SNX13: variants seen among roughly 807,000 people sequenced by gnomAD.
The protein encoded by SNX13 is sorting nexin-13.
A neutral mutation model predicts 133.6 loss-of-function variants in SNX13; 45 were observed. The ratio of observed to expected loss-of-function variants is 0.34; its 90% CI spans 0.27 to 0.43. SNX13 has a LOEUF of 0.43. Among genes scored for constraint, SNX13 ranks in the 20% least tolerant of loss-of-function variants. The pLI, the probability that SNX13 is intolerant of heterozygous loss-of-function variation, is 1.00. For missense variants in SNX13, 1,032 were observed against 1,145.1 expected, an observed-to-expected ratio of 0.90 and a Z score of 1.43; for synonymous variants, 414 against 373.9, an observed-to-expected ratio of 1.11 and a Z score of -1.24.
At chr7:17,844,772 A>G (rs1436196635) in intron 12 of SNX13, among the ~76,000 whole-genome samples, 1 of 152,042 alleles carries the variant, frequency 6.6e-6, no homozygotes, top group Non-Finnish European at 1.5e-5. Flanking sequence ...AGTCTAATAC[A>G]GCACAACAGA....
chr7:17,835,615 A>C (rs1033247501), intron 13 of SNX13, among the ~76,000 whole-genome samples: 3 of 152,026 alleles, frequency 2.0e-5, no homozygotes, highest in Non-Finnish European at 4.4e-5. Flanking sequence ...AGTTCTGAAA[A>C]GTCTGGAGAG....
intron 18 of SNX13, among the ~76,000 whole-genome samples, chr7:17,821,247 T>C (rs1238482916): frequency 6.6e-6 from 1 of 152,146 alleles, no homozygotes; most frequent in East Asian, 1.9e-4. Flanking sequence ...AATTTTAAAA[T>C]CAGAAACATG....
At chr7:17,831,521 G>A in intron 15 of SNX13, 1 of 984,202 alleles carries the variant, frequency 1.0e-6, no homozygotes, top group Non-Finnish European at 1.2e-6. Flanking sequence ...TCTACCTACT[G>A]TTAAGTTTGG....
intron 14 of SNX13, among the ~76,000 whole-genome samples, chr7:17,834,480 C>T (rs1788907358): frequency 6.6e-6 from 1 of 151,784 alleles, no homozygotes; most frequent in East Asian, 1.9e-4. Flanking sequence ...ATTTGAAAGA[C>T]ATGTTATTTA....
intron 5 of SNX13, among the ~76,000 whole-genome samples, chr7:17,883,589 T>G (rs1795614738): frequency 6.6e-6 from 1 of 152,216 alleles, no homozygotes. Context: ...TACTTTTAAT[T>G]CTGGGATACA....
At chr7:17,922,416 C>T (rs1442883217) in intron 1 of SNX13, among the ~76,000 whole-genome samples, 1 of 152,190 alleles carries the variant, frequency 6.6e-6, no homozygotes, top group Non-Finnish European at 1.5e-5. Context: ...AGGGCATAAA[C>T]TGTGTATGTT....
At chr7:17,878,586 T>A (rs1794997602) in intron 5 of SNX13, among the ~76,000 whole-genome samples, 1 of 152,180 alleles carries the variant, frequency 6.6e-6, no homozygotes, top group African/African-American at 2.4e-5. Context: ...ATCGTATCCC[T>A]CGCCACCATT....
At chr7:17,805,306 T>C (rs939581406) in intron 20 of SNX13, among the ~76,000 whole-genome samples, 3 of 151,238 alleles carry the variant, frequency 2.0e-5, no homozygotes, top group African/African-American at 7.3e-5. Flanking sequence ...TATACTGTAG[T>C]TTTTGGTCAA....
chr7:17,793,873 G>A lies in SNX13; in HGVS notation c.*172C>T. ...GACACAGAAATCTCTCTTGGTAGTG[G>A]TGGATTATAGATGAGAATGAGAAGA... On this transcript the variant is annotated 3_prime_UTR_variant, in exon 26 of 26. Transcript: ENST00000428135. 1 of 656,856 alleles carries A rather than the reference G, an allele frequency of 1.5e-6. No homozygotes were observed. Among genetic ancestry groups the A allele is most frequent in the Non-Finnish European group, 2.4e-6 (1 of 419,456 alleles). The allele number at this position is 656,856 out of a possible 1,614,324, so 40.7% of individuals were successfully genotyped here.
intron 17 of SNX13, among the ~76,000 whole-genome samples, chr7:17,825,397 G>A (rs1236040240): frequency 6.6e-6 from 1 of 152,022 alleles, no homozygotes; most frequent in African/African-American, 2.4e-5. Context: ...TATGTAATAT[G>A]ACAAACACAC....
intron 1 of SNX13, among the ~76,000 whole-genome samples, chr7:17,916,917 A>G (rs989113738): frequency 3.9e-5 from 6 of 152,208 alleles, no homozygotes; most frequent in Non-Finnish European, 5.9e-5. Flanking sequence ...ATCCTCAACA[A>G]AATACTAGCA....
chr7:17,820,486 T>C (rs552543895), intron 18 of SNX13, among the ~76,000 whole-genome samples: 67 of 152,198 alleles, frequency 4.4e-4, no homozygotes, highest in African/African-American at 1.6e-3. Flanking sequence ...AGAATGCGCA[T>C]GTCCAAAGTT....
At chr7:17,816,763 T>A (rs752829922) in intron 18 of SNX13, among the ~76,000 whole-genome samples, 16 of 152,192 alleles carry the variant, frequency 1.1e-4, no homozygotes, top group Admixed American at 2.6e-4. Context: ...TGTCCAAATA[T>A]ACTCAAAACA....
intron 13 of SNX13, among the ~76,000 whole-genome samples, chr7:17,838,520 G>T (rs1438004107): frequency 1.3e-5 from 2 of 151,482 alleles, no homozygotes; most frequent in African/African-American, 2.4e-5. Context: ...TGTTTGCCTT[G>T]GATTTATTTT....
chr7:17,807,107 C>A (rs1447428184), intron 20 of SNX13, among the ~76,000 whole-genome samples: 3 of 152,094 alleles, frequency 2.0e-5, no homozygotes, highest in Non-Finnish European at 2.9e-5. Context: ...CGACACAGAA[C>A]CGTTCACTCC....
chr7:17,914,569 C>G (rs1484779951), intron 1 of SNX13, among the ~76,000 whole-genome samples: 1 of 152,140 alleles, frequency 6.6e-6, no homozygotes, highest in Non-Finnish European at 1.5e-5. Context: ...ACAGGGGGCC[C>G]ATTTTAAGCA....
At chr7:17,819,316 A>C (rs1356526090) in intron 18 of SNX13, among the ~76,000 whole-genome samples, 1 of 152,102 alleles carries the variant, frequency 6.6e-6, no homozygotes, top group African/African-American at 2.4e-5. Flanking sequence ...ATCTCAGCTC[A>C]CTGCAATTTC....
At chr7:17,867,386 C>T (rs549550956) in intron 9 of SNX13, among the ~76,000 whole-genome samples, 2 of 152,062 alleles carry the variant, frequency 1.3e-5, no homozygotes, top group Admixed American at 1.3e-4. Context: ...GCAGGCAGAT[C>T]GCTTGAGCTC....
rs1796852118 is a variant in SNX13 at position 17,893,430 on chromosome 7, A to C, written c.130T>G (p.Leu44Val). ...TTTCCAAACAGGAGAGTAACCACTA[A>C]ACCCCTAGAAAGAAAAATTTAATCA... ...FYILCFVGGG[L>V]VVTLLFGKTN... is the part of the protein sequence containing the mutation. The change falls in exon 3 of 26, where the codon TTA becomes GTA. Residue 44 changes from leucine to valine, a missense_variant. Transcript: ENST00000428135. 6.5e-7 allele frequency: 1 copy of C among 1,535,512 alleles called. No homozygotes were observed. The highest frequency in any genetic ancestry group is 1.3e-5 in the South Asian group (1 of 79,884).
Sources: gnomAD v4.1 joint callset for allele counts (sites outside exome capture counted in the v4.1 genomes callset) on GRCh38, gnomAD v4.1.1 for gene constraint, MANE v1.5 for transcripts, NCBI Gene and HGNC (gene_info 2026-07-23, HGNC 2026-07-21) for gene names.